KIAA0586: variants seen among roughly 807,000 people sequenced by gnomAD.
KIAA0586 encodes protein TALPID3.
KIAA0586 carries 144 observed loss-of-function variants against 169.8 expected under a neutral mutation model. That is an observed-to-expected ratio of 0.85 (90% CI 0.74 to 0.97). The LOEUF (loss-of-function observed/expected upper bound fraction) is 0.97. Among genes scored for constraint, KIAA0586 ranks in the 50% least tolerant of loss-of-function variants. The probability of loss-of-function intolerance (pLI) is 0.00; values close to 1 mark genes in which losing one functional copy is unlikely to be tolerated. For synonymous variants in KIAA0586, 625 were observed against 612.4 expected (o/e 1.02, Z -0.30); for missense variants, 1,854 against 1,823.0 (o/e 1.02, Z -0.31).
At chr14:58,504,739 C>T (rs1255585062) in intron 27 of KIAA0586, among the ~76,000 whole-genome samples, 2 of 152,126 alleles carry the variant, frequency 1.3e-5, no homozygotes, top group Non-Finnish European at 2.9e-5. Context: ...CTCAATGAGC[C>T]TGCTTGTTAG....
chr14:58,551,955 G>A (rs1263992015), downstream of KIAA0586, among the ~76,000 whole-genome samples: 2 of 152,134 alleles, frequency 1.3e-5, no homozygotes, highest in African/African-American at 4.8e-5. Flanking sequence ...ATGTGCATCT[G>A]TTTAACAAAC....
At position 58,448,463 on chromosome 14, in the gene KIAA0586, T is replaced by A; in HGVS notation, c.931T>A (p.Ser311Thr). ...EHPNLGSCNP[S>T]LYNTFASKQA... ...CCCTAATCTTGGTAGCTGTAATCCA[T>A]CTTTATATAACACATTTGCTTCCAA... Residue 311 changes from serine (S) to threonine (T), a missense_variant, in exon 7 of 31, where the codon TCT becomes ACT. By Grantham distance (58) the Ser-to-Thr change is moderately conservative. Transcript: ENST00000652326. The A allele has an allele frequency of 6.2e-7, 1 of 1,611,396 alleles. No homozygotes were observed. The highest frequency in any genetic ancestry group is 8.5e-7 in the Non-Finnish European group (1 of 1,178,118).
intron 29 of KIAA0586, among the ~76,000 whole-genome samples, chr14:58,514,853 G>T (rs1174287778): frequency 6.6e-6 from 1 of 151,828 alleles, no homozygotes; most frequent in Non-Finnish European, 1.5e-5. Context: ...GTATTTGAAT[G>T]GTCATTTCTA....
chr14:58,491,065 A>C (rs538033837), intron 25 of KIAA0586, among the ~76,000 whole-genome samples: 1 of 152,186 alleles, frequency 6.6e-6, no homozygotes, highest in African/African-American at 2.4e-5. Flanking sequence ...TTATGAAATA[A>C]TATGGGAAGA....
At chr14:58,479,231 A>G (rs1307228113) in intron 20 of KIAA0586, among the ~76,000 whole-genome samples, 1 of 152,174 alleles carries the variant, frequency 6.6e-6, no homozygotes, top group Non-Finnish European at 1.5e-5. Flanking sequence ...ACATATGTGG[A>G]GGTATTTCCC....
chr14:58,467,149 A>G (rs1285540054), intron 15 of KIAA0586, among the ~76,000 whole-genome samples: 1 of 152,226 alleles, frequency 6.6e-6, no homozygotes, highest in Non-Finnish European at 1.5e-5. Context: ...TCTCCTAGTA[A>G]TAAAATAGCT....
intron 8 of KIAA0586, among the ~76,000 whole-genome samples, chr14:58,452,451 A>C (rs562732310): frequency 1.3e-5 from 2 of 152,194 alleles, no homozygotes; most frequent in African/African-American, 4.8e-5. Context: ...CAAGATAATA[A>C]AATCTTTAAT....
chr14:58,470,752 T>G (rs370374365), intron 17 of KIAA0586, 29 bp downstream of exon 17: 170 of 1,084,134 alleles, frequency 1.6e-4, no homozygotes, highest in Admixed American at 3.3e-4. Context: ...TCATATTATT[T>G]TGAGTAATGT....
At chr14:58,467,028 T>C (rs2040824333) in intron 15 of KIAA0586, among the ~76,000 whole-genome samples, 1 of 152,234 alleles carries the variant, frequency 6.6e-6, no homozygotes, top group Non-Finnish European at 1.5e-5. Flanking sequence ...TGCTGTTCTT[T>C]TGTTTTGATT....
At chr14:58,436,027 C>T (rs911642005) in intron 4 of KIAA0586, among the ~76,000 whole-genome samples, 37 of 152,026 alleles carry the variant, frequency 2.4e-4, no homozygotes. Context: ...ACATTCTTAA[C>T]ATGAAGGACA....
At position 58,548,169 on chromosome 14, in the gene KIAA0586, G is replaced by A. The variant is rs1307437793; in HGVS notation, c.*237G>A. ...TCTTAGAATCCTGAGATAGCATAGA[G>A]TAGTGAAAGGGCATGGCTTTTGACA... On this transcript the variant is annotated 3_prime_UTR_variant, in exon 31 of 31. Coordinates refer to ENST00000652326, the MANE Select transcript of KIAA0586 (RefSeq NM_001329943.3). The A allele has an allele frequency of 2.4e-6, 1 of 417,008 alleles. No individual in the cohort carries two copies. The highest frequency in any genetic ancestry group is 4.1e-5 in the Admixed American group (1 of 24,212). The allele number at this position is 417,008 out of a possible 1,614,324, so 25.8% of individuals were successfully genotyped here.
intron 2 of KIAA0586, among the ~76,000 whole-genome samples, chr14:58,430,388 G>C (rs765807275): frequency 7.2e-5 from 11 of 152,146 alleles, no homozygotes; most frequent in Non-Finnish European, 1.3e-4. Context: ...ACTGGTTTGA[G>C]TCTGAATCTC....
At chr14:58,533,015 G>C (rs573888793) in intron 29 of KIAA0586, among the ~76,000 whole-genome samples, 3 of 152,188 alleles carry the variant, frequency 2.0e-5, no homozygotes, top group Non-Finnish European at 4.4e-5. Context: ...CCTCACAGAG[G>C]CTATGGAAAA....
rs186103598 is a variant in KIAA0586, at chr14:58,468,375, A to C, written c.2442+453A>C. The stretch of plus-strand genomic sequence containing the variant: ...TGGCTCTGTTATTTTTAAAACTGTG[A>C]TATTAATATGATGTTTCTGTCCTGT... On this transcript the variant is annotated intron_variant, in intron 16 of 30. Transcript: ENST00000652326. Among the ~76,000 whole-genome samples the C allele has an allele frequency of 2.0e-5, 3 of 152,242 alleles. No homozygotes were observed. In the East Asian group the frequency reaches 5.8e-4, roughly 29 times the overall value.
intron 29 of KIAA0586, among the ~76,000 whole-genome samples, chr14:58,522,329 A>G (rs1334832904): frequency 3.3e-5 from 5 of 152,216 alleles, no homozygotes. Context: ...CTTTTCATTC[A>G]TACGTAAGTT....
intron 22 of KIAA0586, 36 bp downstream of exon 22, chr14:58,487,202 T>A (rs373242846): frequency 6.5e-7 from 1 of 1,534,148 alleles, no homozygotes; most frequent in South Asian, 1.2e-5. Context: ...GTTTTAATTT[T>A]AGCAACTATT....
At chr14:58,482,067 C>G (rs1244636103) in intron 20 of KIAA0586, among the ~76,000 whole-genome samples, 2 of 151,756 alleles carry the variant, frequency 1.3e-5, no homozygotes, top group East Asian at 4.0e-4. Flanking sequence ...CAGCCTTGGC[C>G]TCCCAAAGTG....
At chr14:58,557,296 T>C in the KIAA0586 span, among the ~76,000 whole-genome samples, 1 of 152,224 alleles carries the variant, frequency 6.6e-6, no homozygotes, top group Non-Finnish European at 1.5e-5. Flanking sequence ...ACCACAGTCA[T>C]GGATTCCTCC....
intron 4 of KIAA0586, among the ~76,000 whole-genome samples, chr14:58,436,941 G>A (rs2037871625): frequency 6.6e-6 from 1 of 152,140 alleles, no homozygotes; most frequent in Non-Finnish European, 1.5e-5. Flanking sequence ...CTCCCCTAAA[G>A]GAATTTGGTC....
Sources: allele counts gnomAD v4.1 joint callset (sites outside exome capture counted in the v4.1 genomes callset), GRCh38; gene constraint gnomAD v4.1.1; transcripts MANE v1.5; gene names NCBI Gene and HGNC (gene_info 2026-07-23, HGNC 2026-07-21).